Variants in TTC3 observed in about 807,000 individuals in gnomAD.
TTC3 encodes tetratricopeptide repeat domain 3, also known as E3 ubiquitin-protein ligase TTC3.
In TTC3, 180 loss-of-function variants were observed where a neutral mutation model predicts 249.6. The observed-to-expected ratio is 0.72, with a 90% confidence interval of 0.64 to 0.82. The LOEUF (loss-of-function observed/expected upper bound fraction) is 0.82. TTC3 is among the 40% of genes least tolerant of loss of function. The probability of loss-of-function intolerance (pLI) is 0.00; values close to 1 mark genes in which losing one functional copy is unlikely to be tolerated. For synonymous variants in TTC3, 717 were observed against 805.0 expected (o/e 0.89, Z 1.85); for missense variants, 2,061 against 2,398.4 (o/e 0.86, Z 2.94).
intron 35 of TTC3, among the ~76,000 whole-genome samples, chr21:37,174,008 T>C (rs1291333865): frequency 2.0e-5 from 3 of 152,236 alleles, no homozygotes; most frequent in African/African-American, 7.2e-5. Flanking sequence ...TGGGAATTCC[T>C]GTAGCTGCCT....
exon 33 of TTC3, chr21:37,166,234 A>C: frequency 6.2e-7 from 1 of 1,614,160 alleles, no homozygotes; most frequent in Non-Finnish European, 8.5e-7. Flanking sequence ...ACGTGTTACC[A>C]GGTTTGCCCC....
At chr21:37,104,678 T>TCC (rs2074901997) in intron 10 of TTC3, among the ~76,000 whole-genome samples, 1 of 151,000 alleles carries the variant, frequency 6.6e-6, no homozygotes, top group Non-Finnish European at 1.5e-5. Context: ...GGTCTGGAAC[T>TCC]CAAAGGAGGG....
At chr21:37,083,025 C>A in intron 1 of TTC3, 1 of 985,212 alleles carries the variant, frequency 1.0e-6, no homozygotes, top group Non-Finnish European at 1.2e-6. Context: ...CCATAGTGAC[C>A]CTGCAGAGAT....
At chr21:37,139,059 A>G (rs570454313) in intron 19 of TTC3, among the ~76,000 whole-genome samples, 2 of 152,292 alleles carry the variant, frequency 1.3e-5, no homozygotes, top group South Asian at 2.1e-4. Flanking sequence ...ACATAACAGT[A>G]CTATATACTG....
Position 37,164,161 on chromosome 21 carries a change from G to T in TTC3, c.3281G>T (p.Arg1094Leu), listed in dbSNP as rs770766827. 26 of 1,612,648 alleles carry T rather than the reference G, an allele frequency of 1.6e-5. No homozygotes were observed. The East Asian group carries it at 2.2e-4, about 14-fold the overall frequency. ...CAACACAGTAACGAATATGTTGTCC[G>T]CAATAAGAAGCTATGGGACATGAAC... is the stretch of plus-strand genomic sequence containing the variant. The change falls in exon 32 of 46, where the codon CGC becomes CTC. Residue 1094 changes from arginine to leucine, a missense_variant. By Grantham distance (102) the Arg-to-Leu change is moderately radical. Transcript: ENST00000355666.
At chr21:37,139,776 T>A (rs967866312) in intron 19 of TTC3, among the ~76,000 whole-genome samples, 3 of 151,710 alleles carry the variant, frequency 2.0e-5, no homozygotes, top group African/African-American at 7.3e-5. Context: ...TTATTACATT[T>A]GTGATTTAAT....
chr21:37,180,825 A>G (rs1234241378), intron 35 of TTC3, among the ~76,000 whole-genome samples: 2 of 151,850 alleles, frequency 1.3e-5, no homozygotes, highest in Non-Finnish European at 2.9e-5. Context: ...GAATGAAACA[A>G]TAAAACTTTA....
At chr21:37,189,243 C>T (rs1170263649) in intron 39 of TTC3, among the ~76,000 whole-genome samples, 1 of 152,008 alleles carries the variant, frequency 6.6e-6, no homozygotes, top group Non-Finnish European at 1.5e-5. Flanking sequence ...ATAATCTCTA[C>T]CTGTTTTTGT....
chr21:37,074,510 A>G (rs2070548208), intron 1 of TTC3, among the ~76,000 whole-genome samples: 1 of 152,122 alleles, frequency 6.6e-6, no homozygotes, highest in Non-Finnish European at 1.5e-5. Context: ...ATGATATTTA[A>G]TGGTTTATAG....
intron 13 of TTC3, 148 bp from the exon 14 acceptor site, chr21:37,124,471 T>C: frequency 1.4e-6 from 1 of 734,964 alleles, no homozygotes; most frequent in South Asian, 1.8e-5. Flanking sequence ...ATAATGTTTA[T>C]GTATAAAGCC....
At chr21:37,150,707 T>C (rs913198002) in intron 24 of TTC3, 113 bp from the exon 25 acceptor site, 1 of 743,372 alleles carries the variant, frequency 1.3e-6, no homozygotes. Flanking sequence ...TCATCACTGT[T>C]CTCTATCAAA....
intron 11 of TTC3, among the ~76,000 whole-genome samples, chr21:37,110,962 A>G (rs1039527105): frequency 2.0e-5 from 3 of 152,224 alleles, no homozygotes; most frequent in African/African-American, 7.2e-5. Flanking sequence ...ACTAAGCTTC[A>G]TAAGTGAGGA....
chr21:37,087,306 T>C (rs767269766), exon 2 of TTC3: 2 of 1,614,030 alleles, frequency 1.2e-6, no homozygotes, highest in Non-Finnish European at 1.7e-6. Context: ...TTATGCCTTG[T>C]TAGAAGATTG....
chr21:37,125,809 C>T (rs1024173944), intron 14 of TTC3, among the ~76,000 whole-genome samples: 3 of 152,024 alleles, frequency 2.0e-5, no homozygotes, highest in Admixed American at 2.0e-4. Context: ...TTAATTCAAA[C>T]ATTATTGAAC....
chr21:37,161,075 CT>C (rs966376691), intron 30 of TTC3, among the ~76,000 whole-genome samples: 9 of 146,356 alleles, frequency 6.1e-5, no homozygotes, highest in African/African-American at 2.1e-4. Flanking sequence ...TCTTTATTGT[CT>C]TTTTTATTTT....
chr21:37,157,040 A>C lies in TTC3; in HGVS notation c.2992+134A>C, dbSNP rs553325082. The C allele has an allele frequency of 8.3e-5, 113 of 1,367,216 alleles. No individual in the cohort carries two copies. In the African/African-American group the frequency reaches 1.3e-3, roughly 16 times the overall value. 84.7% of individuals were successfully genotyped at this position (1,367,216 alleles called of 1,614,324 possible). A position where few individuals can be genotyped will look rare whatever the true frequency, so the allele number is the denominator to read the frequency against. ...TATGGTACAATCAGTTTATGTGGGGAAGTTAGTGATTAACAGTAGCAATTT... is the reference window on the plus strand; with the variant it reads ...TATGGTACAATCAGTTTATGTGGGGCAGTTAGTGATTAACAGTAGCAATTT... On this transcript the variant is annotated intron_variant, in intron 28 of 45. Transcript: ENST00000355666.
intron 35 of TTC3, among the ~76,000 whole-genome samples, chr21:37,174,449 A>C (rs144680886): frequency 6.6e-6 from 1 of 152,164 alleles, no homozygotes; most frequent in African/African-American, 2.4e-5. Context: ...AGCCACAGTC[A>C]TTTCTTTATT....
chr21:37,157,176 C>T, intron 28 of TTC3: 2 of 1,375,988 alleles, frequency 1.5e-6, no homozygotes, highest in East Asian at 8.2e-5. Flanking sequence ...TTCACAGCAT[C>T]ATGGGAAAGA....
intron 20 of TTC3, among the ~76,000 whole-genome samples, chr21:37,141,388 G>C (rs1363175961): frequency 7.0e-6 from 1 of 143,448 alleles, no homozygotes; most frequent in Non-Finnish European, 1.5e-5. Flanking sequence ...CTTGTTAGGG[G>C]AAATTTTATG....
Sources: gnomAD v4.1 joint callset for allele counts (sites outside exome capture counted in the v4.1 genomes callset) on GRCh38, gnomAD v4.1.1 for gene constraint, MANE v1.5 for transcripts, NCBI Gene and HGNC (gene_info 2026-07-23, HGNC 2026-07-21) for gene names.